The following NCAM2 variants were observed in gnomAD, a reference collection of about 807,000 sequenced individuals.
The protein encoded by NCAM2 is neural cell adhesion molecule 2, also known as N-CAM-2.
In NCAM2, 30 loss-of-function variants were observed where a neutral mutation model predicts 98.1. The observed-to-expected ratio is 0.31, with a 90% CI of 0.23 to 0.41. The LOEUF (loss-of-function observed/expected upper bound fraction) is 0.41. Among genes scored for constraint, NCAM2 ranks in the 10% least tolerant of loss-of-function variants. The probability of loss-of-function intolerance (pLI) is 1.00; values close to 1 mark genes in which losing one functional copy is unlikely to be tolerated. For missense variants in NCAM2, 867 were observed against 1,005.8 expected (o/e 0.86, Z 1.87); for synonymous variants, 368 against 342.4 (o/e 1.07, Z -0.83).
At chr21:21,318,921 G>T (rs142602105) in intron 5 of NCAM2, among the ~76,000 whole-genome samples, 32 of 152,080 alleles carry the variant, frequency 2.1e-4, no homozygotes, top group Non-Finnish European at 4.1e-4. Context: ...TACAGAAGCA[G>T]GCGTATTTTT....
In NCAM2 at chr21:21,077,074, C is replaced by T. The variant is rs145283664; in HGVS notation, c.55+78456C>T. On this transcript the variant is annotated intron_variant, in intron 1 of 17. Transcript: ENST00000400546. ...AATCATTTTCTACCACACATATCAT[C>T]TGTGATCTTGAGCAAGTTACTCAGC... is the stretch of plus-strand genomic sequence containing the variant. Among the ~76,000 whole-genome samples, 607 of 152,264 alleles carry T rather than the reference C, an allele frequency of 4.0e-3. 6 individuals carry two copies. The highest frequency in any genetic ancestry group is 0.013 in the South Asian group (65 of 4,822).
At chr21:21,330,817 G>A (rs1196274736) in intron 6 of NCAM2, among the ~76,000 whole-genome samples, 1 of 151,960 alleles carries the variant, frequency 6.6e-6, no homozygotes, top group Admixed American at 6.6e-5. Context: ...ATACCATATA[G>A]AACTTTGTTT....
At position 21,446,325 on chromosome 21, in the gene NCAM2, C is replaced by T. The variant is rs184140517; in HGVS notation, c.1654+14044C>T. 2.5e-3 allele frequency among the ~76,000 whole-genome samples: 376 copies of T among 151,942 alleles called. 3 individuals are homozygous for T. Among genetic ancestry groups the T allele is most frequent in the Non-Finnish European group, 1.1e-3 (74 of 67,930 alleles). ...ATGTGTCTTGGGGTTGACCTTCTTG[C>T]GGAGTATCTTAGTAGTGTTCTCTGT... On this transcript the variant is annotated intron_variant, in intron 12 of 17. Transcript: ENST00000400546.
intron 9 of NCAM2, among the ~76,000 whole-genome samples, chr21:21,374,771 A>G (rs2075994240): frequency 6.6e-6 from 1 of 151,886 alleles, no homozygotes; most frequent in African/African-American, 2.4e-5. Flanking sequence ...AGTGGAATGT[A>G]TGAGATATTC....
At chr21:21,411,147 T>TAC (rs2076876980) in intron 10 of NCAM2, among the ~76,000 whole-genome samples, 1 of 82,040 alleles carries the variant, frequency 1.2e-5, no homozygotes, top group African/African-American at 4.3e-5. Flanking sequence ...TATATATATA[T>TAC]ACATATATAT....
At chr21:21,221,608 G>A (rs922082572) in intron 1 of NCAM2, among the ~76,000 whole-genome samples, 1 of 152,154 alleles carries the variant, frequency 6.6e-6, no homozygotes, top group African/African-American at 2.4e-5. Context: ...CTAATCCGGA[G>A]CAATACCCTA....
At chr21:21,147,740 A>G (rs914640522) in intron 1 of NCAM2, among the ~76,000 whole-genome samples, 3 of 148,734 alleles carry the variant, frequency 2.0e-5, no homozygotes, top group African/African-American at 7.3e-5. Flanking sequence ...TAGTAATATA[A>G]AAGCGTACAT....
intron 1 of NCAM2, among the ~76,000 whole-genome samples, chr21:21,046,430 A>G (rs527705782): frequency 6.0e-4 from 91 of 152,274 alleles, no homozygotes; most frequent in African/African-American, 2.1e-3. Context: ...TCAAGATTCT[A>G]TTGGATTATC....
chr21:21,369,354 G>GT, intron 8 of NCAM2, among the ~76,000 whole-genome samples: 1 of 151,086 alleles, frequency 6.6e-6, no homozygotes, highest in Admixed American at 6.6e-5. Flanking sequence ...TATACCACTT[G>GT]TTTTTTTCAA....
chr21:21,433,776 A>AAAATAAAATG, intron 12 of NCAM2, among the ~76,000 whole-genome samples: 1 of 149,514 alleles, frequency 6.7e-6, no homozygotes, highest in South Asian at 2.1e-4. Flanking sequence ...AAAATAAAAT[A>AAAATAAAATG]AAATAAAATA....
At chr21:21,058,961 A>C (rs1251716625) in intron 1 of NCAM2, among the ~76,000 whole-genome samples, 1 of 152,104 alleles carries the variant, frequency 6.6e-6, no homozygotes, top group Non-Finnish European at 1.5e-5. Context: ...AGCTACTTAA[A>C]GTATGGCATT....
At chr21:21,080,680 AC>A (rs1250914011) in intron 1 of NCAM2, among the ~76,000 whole-genome samples, 15,765 of 72,344 alleles carry the variant, frequency 0.22, 2,583 homozygotes, top group African/African-American at 0.35. Flanking sequence ...AAAAAAAAAA[AC>A]CAACATTGAT....
At chr21:21,530,298 T>A (rs959780188) in intron 16 of NCAM2, among the ~76,000 whole-genome samples, 1 of 98,492 alleles carries the variant, frequency 1.0e-5, no homozygotes. Context: ...TTATATATAA[T>A]TAAATTAAAT....
At chr21:21,175,263 C>T (rs957044602) in intron 1 of NCAM2, among the ~76,000 whole-genome samples, 1 of 151,868 alleles carries the variant, frequency 6.6e-6, no homozygotes, top group African/African-American at 2.4e-5. Flanking sequence ...GGCCGGGTAC[C>T]GTGGCTCACG....
chr21:21,365,851 C>G (rs914219265), intron 8 of NCAM2, among the ~76,000 whole-genome samples: 3 of 152,056 alleles, frequency 2.0e-5, no homozygotes, highest in Non-Finnish European at 4.4e-5. Context: ...GACATAGCAC[C>G]ATAATCTATC....
intron 6 of NCAM2, 53 bp from the exon 7 acceptor site, chr21:21,335,452 T>G: frequency 6.9e-7 from 1 of 1,455,608 alleles, no homozygotes. Context: ...GATTAAAATC[T>G]ACTAAATTAT....
At chr21:21,169,005 C>A (rs1312544791) in intron 1 of NCAM2, among the ~76,000 whole-genome samples, 2 of 152,084 alleles carry the variant, frequency 1.3e-5, no homozygotes, top group Non-Finnish European at 2.9e-5. Flanking sequence ...AGCAGAAGAA[C>A]AAAGTTGGAA....
At chr21:21,447,255 C>T (rs900697953) in intron 12 of NCAM2, among the ~76,000 whole-genome samples, 8 of 152,106 alleles carry the variant, frequency 5.3e-5, no homozygotes, top group Non-Finnish European at 1.2e-4. Context: ...CACACATCTA[C>T]AACCATTTGA....
chr21:21,237,103 A>G (rs539933285), intron 1 of NCAM2, among the ~76,000 whole-genome samples: 2 of 152,162 alleles, frequency 1.3e-5, no homozygotes, highest in South Asian at 4.1e-4. Context: ...ATTTAATCCT[A>G]TTTCTGGAGG....
Sources: gnomAD v4.1 joint callset for allele counts (sites outside exome capture counted in the v4.1 genomes callset) on GRCh38, gnomAD v4.1.1 for gene constraint, MANE v1.5 for transcripts, NCBI Gene and HGNC (gene_info 2026-07-23, HGNC 2026-07-21) for gene names.